IL1RAP: variants seen among roughly 807,000 people sequenced by gnomAD.
The protein encoded by IL1RAP is interleukin 1 receptor accessory protein.
In IL1RAP, 35 loss-of-function variants were observed where a neutral mutation model predicts 60.7. That is an observed-to-expected ratio of 0.58 (90% CI 0.44 to 0.76). The LOEUF (loss-of-function observed/expected upper bound fraction) is 0.76, where lower values mean the gene tolerates loss of function less well. IL1RAP is among the 30% of genes least tolerant of loss of function. IL1RAP has a pLI of 0.00. For synonymous variants in IL1RAP, 268 were observed against 250.9 expected, an observed-to-expected ratio of 1.07 and a Z score of -0.64; for missense variants, 572 against 693.9, an observed-to-expected ratio of 0.82 and a Z score of 1.97.
At chr3:190,580,107 T>C (rs1403375800) in intron 3 of IL1RAP, among the ~76,000 whole-genome samples, 1 of 152,248 alleles carries the variant, frequency 6.6e-6, no homozygotes, top group African/African-American at 2.4e-5. Context: ...GTTGAATTAC[T>C]GGATCAAGGT....
At chr3:190,636,820 CCTT>C (rs1733259901) in intron 9 of IL1RAP, among the ~76,000 whole-genome samples, 1 of 151,950 alleles carries the variant, frequency 6.6e-6, no homozygotes, top group Non-Finnish European at 1.5e-5. Context: ...AATATGACTG[CCTT>C]TAAGTTTACC....
chr3:190,553,064 C>A (rs1414190505), intron 1 of IL1RAP, among the ~76,000 whole-genome samples: 1 of 152,194 alleles, frequency 6.6e-6, no homozygotes, highest in Non-Finnish European at 1.5e-5. Flanking sequence ...GCAAAAAAGT[C>A]ATACAGATAT....
rs1733968705 is a variant in IL1RAP, at chr3:190,645,736, G to A, written c.1239G>A (p.Arg413=). ...KEYDIYVSYA[R]NAEEEEFVLL... ...ATGATATTTATGTATCCTATGCAAG[G>A]AATGCGGAAGAAGAAGAATTTGTAT... The change falls in exon 11 of 12, where the codon AGG becomes AGA. Residue 413 remains arginine (R), a synonymous_variant. Coordinates refer to ENST00000447382, the MANE Select transcript of IL1RAP (RefSeq NM_002182.4). The A allele has an allele frequency of 6.2e-7, 1 of 1,612,406 alleles. No homozygotes were observed. The highest frequency in any genetic ancestry group is 1.3e-5 in the African/African-American group (1 of 74,876).
At chr3:190,626,304 TA>T (rs1210032321) in intron 7 of IL1RAP, among the ~76,000 whole-genome samples, 3 of 152,218 alleles carry the variant, frequency 2.0e-5, no homozygotes, top group African/African-American at 7.2e-5. Context: ...AGACCATTAA[TA>T]AATATAAATA....
At chr3:190,598,633 C>T (rs1729592659) in intron 3 of IL1RAP, among the ~76,000 whole-genome samples, 1 of 152,030 alleles carries the variant, frequency 6.6e-6, no homozygotes, top group South Asian at 2.1e-4. Flanking sequence ...TAACTATCCT[C>T]ACTTTTACTA....
intron 4 of IL1RAP, among the ~76,000 whole-genome samples, chr3:190,608,029 C>T (rs1730497429): frequency 6.6e-6 from 1 of 152,192 alleles, no homozygotes; most frequent in Non-Finnish European, 1.5e-5. Context: ...CCATTATTGA[C>T]TCTGCATAAA....
At chr3:190,603,485 C>A (rs896400266) in intron 3 of IL1RAP, among the ~76,000 whole-genome samples, 3 of 151,948 alleles carry the variant, frequency 2.0e-5, no homozygotes, top group African/African-American at 7.3e-5. Flanking sequence ...TGTGGCTAGT[C>A]CAGATTGAGA....
intron 1 of IL1RAP, among the ~76,000 whole-genome samples, chr3:190,540,921 C>A (rs375335413): frequency 9.9e-4 from 151 of 152,226 alleles, no homozygotes; most frequent in African/African-American, 3.6e-3. Context: ...AATAACTTGT[C>A]CTCAAGTAAG....
Position 190,651,213 on chromosome 3 carries a change from TC to T in IL1RAP, c.*2510del. ...TTTTAAATATATGCTATAGGGACGT[TC>T]CATGCCCAGGTTAACAAAGAACTGT... On this transcript the variant is annotated 3_prime_UTR_variant, in exon 12 of 12. Transcript: ENST00000447382. 1 of 981,556 alleles carries T rather than the reference TC, an allele frequency of 1.0e-6. No homozygotes were observed. The highest frequency in any genetic ancestry group is 1.2e-6 in the Non-Finnish European group (1 of 826,408). 60.8% of individuals were successfully genotyped at this position (981,556 alleles called of 1,614,324 possible).
intron 1 of IL1RAP, among the ~76,000 whole-genome samples, chr3:190,520,848 T>A (rs1721956285): frequency 6.6e-6 from 1 of 152,206 alleles, no homozygotes; most frequent in Non-Finnish European, 1.5e-5. Context: ...AGTCATTTTA[T>A]AAGCATTATG....
intron 9 of IL1RAP, among the ~76,000 whole-genome samples, chr3:190,638,272 TG>T (rs1415536884): frequency 1.3e-5 from 2 of 152,102 alleles, no homozygotes; most frequent in East Asian, 3.9e-4. Context: ...CTTAAGGATT[TG>T]GTGTTGTCAG....
At chr3:190,625,435 G>C (rs928229099) in intron 7 of IL1RAP, among the ~76,000 whole-genome samples, 2 of 152,066 alleles carry the variant, frequency 1.3e-5, no homozygotes, top group African/African-American at 4.8e-5. Context: ...TGGAGCGAGG[G>C]GGCTAGGGTG....
chr3:190,544,600 G>T (rs1267849056), intron 1 of IL1RAP, among the ~76,000 whole-genome samples: 1 of 152,070 alleles, frequency 6.6e-6, no homozygotes, highest in Admixed American at 6.6e-5. Flanking sequence ...TACTGTTTGG[G>T]GGCCCTTACA....
At chr3:190,598,021 T>A (rs1425368738) in intron 3 of IL1RAP, among the ~76,000 whole-genome samples, 1 of 152,214 alleles carries the variant, frequency 6.6e-6, no homozygotes, top group Non-Finnish European at 1.5e-5. Context: ...AATTTACCAA[T>A]GTTTCTATTA....
Position 190,573,016 on chromosome 3 carries a change from A to T in IL1RAP, c.64+8663A>T, listed in dbSNP as rs533253850. 2.5e-3 allele frequency among the ~76,000 whole-genome samples: 228 copies of T among 91,484 alleles called. 54 individuals carry two copies. Among genetic ancestry groups the T allele is most frequent in the Non-Finnish European group, 4.6e-3 (191 of 41,490 alleles). The allele number at this position is 91,484 out of a possible 152,430, so 60.0% of individuals were successfully genotyped here. On this transcript the variant is annotated intron_variant, in intron 3 of 11. Transcript: ENST00000447382. ...GTAGCTGGGACTACAGGCGCCCGCC[A>T]CCACGCCCGGCTAATTTTTTGTATT... is the stretch of plus-strand genomic sequence containing the variant.
chr3:190,604,982 A>T (rs769306293), intron 4 of IL1RAP, among the ~76,000 whole-genome samples: 1 of 152,070 alleles, frequency 6.6e-6, no homozygotes. Context: ...CTAGCCCCCA[A>T]ATCAGAAGAC....
chr3:190,569,872 A>G (rs942403663), intron 3 of IL1RAP, among the ~76,000 whole-genome samples: 1 of 152,206 alleles, frequency 6.6e-6, no homozygotes, highest in Non-Finnish European at 1.5e-5. Context: ...TTGTTTTACA[A>G]GAATTTATTC....
chr3:190,568,396 TC>T (rs1726611549), intron 3 of IL1RAP, among the ~76,000 whole-genome samples: 1 of 152,198 alleles, frequency 6.6e-6, no homozygotes, highest in Non-Finnish European at 1.5e-5. Context: ...TTTTTATTTT[TC>T]CATACTATAA....
At chr3:190,537,357 A>G (rs553070055) in intron 1 of IL1RAP, among the ~76,000 whole-genome samples, 1 of 152,242 alleles carries the variant, frequency 6.6e-6, no homozygotes, top group African/African-American at 2.4e-5. Flanking sequence ...CTATTCCTTT[A>G]CATGCAGGCA....
Sources: allele counts gnomAD v4.1 joint callset (sites outside exome capture counted in the v4.1 genomes callset), GRCh38; gene constraint gnomAD v4.1.1; transcripts MANE v1.5; gene names NCBI Gene and HGNC (gene_info 2026-07-23, HGNC 2026-07-21).